PRKN: variants seen among roughly 807,000 people sequenced by gnomAD.
PRKN encodes parkin RBR E3 ubiquitin protein ligase.
Under a neutral mutation model 59.5 loss-of-function variants are expected in PRKN, and 56 were observed. The ratio of observed to expected loss-of-function variants is 0.94; its 90% CI spans 0.76 to 1.18. The LOEUF (loss-of-function observed/expected upper bound fraction) is 1.18, where lower values mean the gene tolerates loss of function less well. Ranked by LOEUF, PRKN falls within the 50% of genes most tolerant of loss-of-function variation. The pLI is 0.00. For synonymous variants in PRKN, 250 were observed against 222.1 expected, an observed-to-expected ratio of 1.13 and a Z score of -1.12; for missense variants, 657 against 596.4, an observed-to-expected ratio of 1.10 and a Z score of -1.06.
intron 2 of PRKN, among the ~76,000 whole-genome samples, chr6:162,427,612 A>C (rs1789298825): frequency 6.6e-6 from 1 of 151,726 alleles, no homozygotes. Context: ...AATTAGCAGT[A>C]TTCCATATTA....
chr6:161,655,400 GC>G (rs1359353478), intron 7 of PRKN, among the ~76,000 whole-genome samples: 1 of 151,170 alleles, frequency 6.6e-6, no homozygotes, highest in Non-Finnish European at 1.5e-5. Context: ...AGTTACAGAG[GC>G]GTTCCTGGGC....
intron 6 of PRKN, among the ~76,000 whole-genome samples, chr6:161,965,892 G>A (rs976324739): frequency 6.6e-6 from 1 of 152,036 alleles, no homozygotes; most frequent in Non-Finnish European, 1.5e-5. Flanking sequence ...GCTACCCTTA[G>A]AGACAATAGA....
chr6:162,497,030 G>A (rs1466885728), intron 1 of PRKN, among the ~76,000 whole-genome samples: 1 of 152,176 alleles, frequency 6.6e-6, no homozygotes, highest in Non-Finnish European at 1.5e-5. Context: ...ATATGTAACA[G>A]TATATTTTTA....
chr6:162,660,301 C>A (rs985000653), intron 1 of PRKN, among the ~76,000 whole-genome samples: 3 of 152,118 alleles, frequency 2.0e-5, no homozygotes, highest in African/African-American at 7.2e-5. Context: ...CTGGTTCTTG[C>A]TAAATGATTC....
rs570294076 is a variant in PRKN at position 161,468,356 on chromosome 6, T to C, written c.1083+80498A>G. 5.9e-5 allele frequency among the ~76,000 whole-genome samples: 9 copies of C among 151,898 alleles called. No individual in the cohort carries two copies. In the East Asian group the frequency reaches 1.4e-3, roughly 23 times the overall value. Reference sequence around the variant, plus strand: ...CTGAAATAGTGTACTACGCCAGGTGTAGACAGGAAGAGAGAAGAGGCAGTG... The same window carrying C: ...CTGAAATAGTGTACTACGCCAGGTGCAGACAGGAAGAGAGAAGAGGCAGTG... On this transcript the variant is annotated intron_variant, in intron 9 of 11. Transcript: ENST00000366898. The surrounding 1 kb of genome is among the most constrained non-coding windows in gnomAD (Gnocchi z 5.9).
chr6:162,683,391 A>G (rs897667926), intron 1 of PRKN, among the ~76,000 whole-genome samples: 1 of 152,178 alleles, frequency 6.6e-6, no homozygotes, highest in African/African-American at 2.4e-5. Flanking sequence ...GATAATTGGC[A>G]TGGGATCATA....
intron 1 of PRKN, among the ~76,000 whole-genome samples, chr6:162,714,092 T>C (rs958243111): frequency 6.6e-6 from 1 of 152,202 alleles, no homozygotes; most frequent in African/African-American, 2.4e-5. Context: ...AGGTAGATTT[T>C]TTATTCACAC....
chr6:161,939,310 A>G (rs1779466462), intron 6 of PRKN, among the ~76,000 whole-genome samples: 1 of 146,618 alleles, frequency 6.8e-6, no homozygotes, highest in East Asian at 2.1e-4. Flanking sequence ...CTCAGCTACT[A>G]TGGAGACTGA....
intron 7 of PRKN, among the ~76,000 whole-genome samples, chr6:161,778,057 G>A (rs528691767): frequency 1.8e-4 from 27 of 151,816 alleles, no homozygotes; most frequent in Admixed American, 9.2e-4. Context: ...AGGACCATTT[G>A]TATGGGCTAG....
intron 7 of PRKN, among the ~76,000 whole-genome samples, chr6:161,706,652 G>A (rs1170590137): frequency 1.3e-5 from 2 of 152,048 alleles, no homozygotes; most frequent in Non-Finnish European, 2.9e-5. Flanking sequence ...GCGCAATCTC[G>A]GTTGAAGCAA....
At position 162,665,947 on chromosome 6, in the gene PRKN, G is replaced by A. The variant is rs376603982; in HGVS notation, c.7+61715C>T. On this transcript the variant is annotated intron_variant, in intron 1 of 11. Coordinates refer to ENST00000366898, the MANE Select transcript of PRKN (RefSeq NM_004562.3). ...CAATGGGAAAAGGATCTCCTATTCA[G>A]TAAATGGTGCTGGAAAACTGGCTCG... 1.1e-4 allele frequency among the ~76,000 whole-genome samples: 16 copies of A among 152,226 alleles called. No individual in the cohort carries two copies. In the East Asian group the frequency reaches 3.1e-3, roughly 29 times the overall value.
intron 9 of PRKN, among the ~76,000 whole-genome samples, chr6:161,443,547 A>G (rs957478256): frequency 6.6e-6 from 1 of 152,188 alleles, no homozygotes; most frequent in Non-Finnish European, 1.5e-5. Context: ...GTAACATTGT[A>G]AGGAAAGAAG....
At chr6:162,594,551 A>G (rs1781425967) in intron 1 of PRKN, among the ~76,000 whole-genome samples, 1 of 152,178 alleles carries the variant, frequency 6.6e-6, no homozygotes, top group South Asian at 2.1e-4. Flanking sequence ...TTCACTCCAT[A>G]TACATTTCTG....
intron 1 of PRKN, among the ~76,000 whole-genome samples, chr6:162,517,597 G>A (rs1777920248): frequency 6.6e-6 from 1 of 151,786 alleles, no homozygotes. Context: ...TTATTCCATC[G>A]AGCAGCAAAG....
At chr6:162,411,042 A>C (rs1788331540) in intron 2 of PRKN, among the ~76,000 whole-genome samples, 1 of 152,342 alleles carries the variant, frequency 6.6e-6, no homozygotes, top group African/African-American at 2.4e-5. Flanking sequence ...ATATTCATAT[A>C]GTCCTTTGGG....
chr6:162,616,222 C>T (rs1307618375), intron 1 of PRKN, among the ~76,000 whole-genome samples: 1 of 152,122 alleles, frequency 6.6e-6, no homozygotes, highest in Non-Finnish European at 1.5e-5. Flanking sequence ...AGACTTTGTG[C>T]ATTATCCCAT....
At chr6:162,489,690 A>C (rs1792718085) in intron 1 of PRKN, among the ~76,000 whole-genome samples, 1 of 152,192 alleles carries the variant, frequency 6.6e-6, no homozygotes, top group African/African-American at 2.4e-5. Context: ...CCTGGTCACT[A>C]TCAACTTGGA....
chr6:161,422,360 A>G (rs1788143708), intron 9 of PRKN, among the ~76,000 whole-genome samples: 1 of 151,886 alleles, frequency 6.6e-6, no homozygotes, highest in Non-Finnish European at 1.5e-5. Context: ...CACCACACCC[A>G]GCTACTTTTC....
At chr6:162,174,098 C>A (rs1783420633) in intron 4 of PRKN, among the ~76,000 whole-genome samples, 1 of 152,114 alleles carries the variant, frequency 6.6e-6, no homozygotes, top group African/African-American at 2.4e-5. Context: ...AATCATTGGA[C>A]AAATAAATTG....
Sources: gnomAD v4.1 joint callset for allele counts (sites outside exome capture counted in the v4.1 genomes callset) on GRCh38, gnomAD v4.1.1 for gene constraint, Gnocchi (gnomAD v3.1) non-coding constraint, MANE v1.5 for transcripts, NCBI Gene and HGNC (gene_info 2026-07-23, HGNC 2026-07-21) for gene names.